Variants in FAM91A1 observed in about 807,000 individuals in gnomAD.
FAM91A1 encodes the protein family with sequence similarity 91 member A1, also known as protein FAM91A1.
In FAM91A1, 41 loss-of-function variants were observed where a neutral mutation model predicts 113.5. The observed-to-expected ratio is 0.36, with a 90% CI of 0.28 to 0.47. The LOEUF (loss-of-function observed/expected upper bound fraction) is 0.47. FAM91A1 is among the 20% of genes least tolerant of loss of function. FAM91A1 has a pLI of 1.00. For synonymous variants in FAM91A1, 307 were observed against 347.9 expected (o/e 0.88, Z 1.31); for missense variants, 696 against 1,001.2 (o/e 0.70, Z 4.11).
At chr8:123,794,200 G>C (rs189685044) in intron 15 of FAM91A1, among the ~76,000 whole-genome samples, 59 of 152,216 alleles carry the variant, frequency 3.9e-4, no homozygotes, top group Non-Finnish European at 5.6e-4. Context: ...ATGAGTAAAC[G>C]TTTTGGAACA....
At chr8:123,770,703 T>C (rs188283894) in intron 1 of FAM91A1, among the ~76,000 whole-genome samples, 1 of 152,344 alleles carries the variant, frequency 6.6e-6, no homozygotes, top group Admixed American at 6.5e-5. Flanking sequence ...TTAATTAGTA[T>C]TGGCAAAAGA....
In FAM91A1 at chr8:123,785,077, C is replaced by G; in HGVS notation, c.811-4C>G. On this transcript the variant is annotated splice_polypyrimidine_tract_variant and splice_region_variant and intron_variant, in intron 9 of 23. Coordinates refer to ENST00000334705, the MANE Select transcript of FAM91A1 (RefSeq NM_144963.4). Reference sequence around the variant, plus strand: ...TAAAAATAAATTTTAATTTTATCTTCTAGCTTGCAAATGTCCTTGAGATTG... The same window carrying G: ...TAAAAATAAATTTTAATTTTATCTTGTAGCTTGCAAATGTCCTTGAGATTG... 1.9e-6 allele frequency: 3 copies of G among 1,584,216 alleles called. No individual in the cohort carries two copies. Among genetic ancestry groups the G allele is most frequent in the Non-Finnish European group, 1.7e-6 (2 of 1,166,354 alleles).
At chr8:123,789,547 T>A in intron 14 of FAM91A1, 66 bp from the exon 15 acceptor site, 1 of 1,592,876 alleles carries the variant, frequency 6.3e-7, no homozygotes, top group Admixed American at 1.7e-5. Context: ...CTCTATTATA[T>A]GATTATTAGA....
chr8:123,787,298 A>G lies in FAM91A1; in HGVS notation c.1116A>G (p.Thr372=), dbSNP rs1468463177. ...TASVSSLSLS[T]GHTKRIAFLF... ...GTGTAAGCAGCCTGAGTCTGTCTAC[A>G]GGACACACGAAGCGCATCGCATTCC... The change falls in exon 13 of 24, where the codon ACA becomes ACG. Residue 372 remains threonine, a synonymous_variant. Transcript: ENST00000334705. 4 of 1,611,756 alleles carry G rather than the reference A, an allele frequency of 2.5e-6. No homozygotes were observed. Among genetic ancestry groups the G allele is most frequent in the East Asian group, 2.2e-5 (1 of 44,878 alleles).
At position 123,772,192 on chromosome 8, in the gene FAM91A1, C is replaced by T. The variant is rs567891702; in HGVS notation, c.73-1888C>T. The stretch of plus-strand genomic sequence containing the variant: ...TCACTCGTGTATTGATTGATAGGTT[C>T]AGGACCAGTTATTACTTAATGCTGA... On this transcript the variant is annotated intron_variant, in intron 1 of 23. Transcript: ENST00000334705. Among the ~76,000 whole-genome samples, 12 of 152,254 alleles carry T rather than the reference C, an allele frequency of 7.9e-5. No individual in the cohort carries two copies. In the East Asian group the frequency reaches 1.5e-3, roughly 20 times the overall value.
In FAM91A1 at chr8:123,814,787, G is replaced by A. The variant is rs1255668995; in HGVS notation, c.*2083G>A. Reference sequence around the variant, plus strand: ...CGCCTTGCTTTGTGAATTTGGCTTTGTTTTACTTATACATTAACTCATGTA... The same window carrying A: ...CGCCTTGCTTTGTGAATTTGGCTTTATTTTACTTATACATTAACTCATGTA... On this transcript the variant is annotated 3_prime_UTR_variant, in exon 24 of 24. Coordinates refer to ENST00000334705, the MANE Select transcript of FAM91A1 (RefSeq NM_144963.4). The A allele has an allele frequency of 1.3e-5, 2 of 152,562 alleles. No homozygotes were observed. The highest frequency in any genetic ancestry group is 2.9e-5 in the Non-Finnish European group (2 of 68,024). The allele number at this position is 152,562 out of a possible 1,614,324, so 9.5% of individuals were successfully genotyped here.
At position 123,773,559 on chromosome 8, in the gene FAM91A1, A is replaced by C. The variant is rs112121418; in HGVS notation, c.73-521A>C. On this transcript the variant is annotated intron_variant, in intron 1 of 23. Transcript: ENST00000334705. ...AAATGCCTTCTAATGAGGCCACAGG[A>C]GATTGCATTTTTAAGAAACAATCTT... Among the ~76,000 whole-genome samples the C allele has an allele frequency of 2.7e-4, 41 of 152,214 alleles. 1 individual carries two copies. Among genetic ancestry groups the C allele is most frequent in the Non-Finnish European group, 7.4e-5 (5 of 68,026 alleles).
At chr8:123,812,218 G>T (rs1479701769) in intron 23 of FAM91A1, 3 of 218,304 alleles carry the variant, frequency 1.4e-5, no homozygotes, top group African/African-American at 4.6e-5. Context: ...CTTCTGTTAG[G>T]TAATACTTTG....
At chr8:123,772,747 A>G (rs2130036413) in intron 1 of FAM91A1, among the ~76,000 whole-genome samples, 1 of 152,348 alleles carries the variant, frequency 6.6e-6, no homozygotes, top group Middle Eastern at 3.4e-3. Flanking sequence ...TTAACTACTA[A>G]TAGCCTATAA....
In FAM91A1 at chr8:123,768,473, A is replaced by G. The variant is rs1459554154; in HGVS notation, c.-230A>G. On this transcript the variant is annotated 5_prime_UTR_variant, in exon 1 of 24. Coordinates refer to ENST00000334705, the MANE Select transcript of FAM91A1 (RefSeq NM_144963.4). ...TCCGGCGGCCCGAAACTAGGAAGAA[A>G]CTTGGAGCTGTTCAGGCGATCCAGC... 5 of 454,124 alleles carry G rather than the reference A, an allele frequency of 1.1e-5. No individual in the cohort carries two copies. Among genetic ancestry groups the G allele is most frequent in the Non-Finnish European group, 1.9e-5 (5 of 258,468 alleles). The allele number at this position is 454,124 out of a possible 1,614,324, so 28.1% of individuals were successfully genotyped here. A position where few individuals can be genotyped will look rare whatever the true frequency, so the allele number is the denominator to read the frequency against.
chr8:123,778,706 A>G lies in FAM91A1; in HGVS notation c.483A>G (p.Pro161=), dbSNP rs775883256. 9 of 1,610,012 alleles carry G rather than the reference A, an allele frequency of 5.6e-6. No homozygotes were observed. The South Asian group carries it at 9.9e-5, about 18-fold the overall frequency. The change falls in exon 6 of 24, where the codon CCA becomes CCG. Residue 161 remains proline (P), a synonymous_variant. Coordinates refer to ENST00000334705, the MANE Select transcript of FAM91A1 (RefSeq NM_144963.4). ...CCCGTGATCTTCTACCAATAAAGCC[A>G]GTGGAAATTGCCATAGAGGCGTGGT... ...KTARDLLPIK[P]VEIAIEAWWV... is the part of the protein sequence containing the mutation.
At chr8:123,777,363 G>T (rs1445322307) in intron 4 of FAM91A1, 41 bp downstream of exon 4, 16 of 1,542,892 alleles carry the variant, frequency 1.0e-5, no homozygotes, top group Non-Finnish European at 1.3e-5. Flanking sequence ...TGTTTAGGTT[G>T]TGTCTTTGTG....
At position 123,814,007 on chromosome 8, in the gene FAM91A1, C is replaced by A; in HGVS notation, c.*1303C>A. The A allele has an allele frequency of 3.9e-6, 1 of 257,580 alleles. No individual in the cohort carries two copies. The highest frequency in any genetic ancestry group is 7.6e-6 in the Non-Finnish European group (1 of 130,816). The allele number at this position is 257,580 out of a possible 1,614,324, so 16.0% of individuals were successfully genotyped here. The stretch of plus-strand genomic sequence containing the variant: ...GATATTTGTGTATTTAACATACATA[C>A]TTCAGGAAATATATGCCTTTCCTAA... On this transcript the variant is annotated 3_prime_UTR_variant, in exon 24 of 24. Coordinates refer to ENST00000334705, the MANE Select transcript of FAM91A1 (RefSeq NM_144963.4).
chr8:123,771,458 C>G (rs533118300), intron 1 of FAM91A1, among the ~76,000 whole-genome samples: 74 of 152,136 alleles, frequency 4.9e-4, no homozygotes, highest in African/African-American at 1.7e-3. Flanking sequence ...GTTCTGTAAG[C>G]TAGGGGCAGG....
At chr8:123,769,714 A>AGAT (rs1814791885) in intron 1 of FAM91A1, among the ~76,000 whole-genome samples, 1 of 152,084 alleles carries the variant, frequency 6.6e-6, no homozygotes, top group Non-Finnish European at 1.5e-5. Context: ...TTACTAAAGA[A>AGAT]AGACGTAAAC....
At chr8:123,786,768 G>T (rs1238161237) in intron 12 of FAM91A1, among the ~76,000 whole-genome samples, 158 bp downstream of exon 12, 1 of 152,158 alleles carries the variant, frequency 6.6e-6, no homozygotes, top group Non-Finnish European at 1.5e-5. Context: ...TAAGTCCTAG[G>T]TATATAAAAC....
intron 1 of FAM91A1, among the ~76,000 whole-genome samples, chr8:123,773,774 T>G (rs1814914569): frequency 6.6e-6 from 1 of 152,172 alleles, no homozygotes. Context: ...TAAGCAGAAC[T>G]TAGTTCTTTG....
At chr8:123,779,931 T>G (rs1815079732) in intron 6 of FAM91A1, 54 bp from the exon 7 acceptor site, 2 of 1,455,384 alleles carry the variant, frequency 1.4e-6, no homozygotes, top group Admixed American at 1.8e-5. Context: ...TCAGGAGACT[T>G]GTGAATTAGT....
intron 15 of FAM91A1, among the ~76,000 whole-genome samples, chr8:123,791,994 G>A (rs1003837238): frequency 5.3e-5 from 8 of 152,132 alleles, no homozygotes; most frequent in South Asian, 2.1e-4. Flanking sequence ...GGCCAACATG[G>A]TGAAAACTCG....
Sources: allele counts gnomAD v4.1 joint callset (sites outside exome capture counted in the v4.1 genomes callset), GRCh38; gene constraint gnomAD v4.1.1; transcripts MANE v1.5; gene names NCBI Gene and HGNC (gene_info 2026-07-23, HGNC 2026-07-21).